Variants in CRTAC1 observed in about 807,000 individuals in gnomAD.
The protein encoded by CRTAC1 is cartilage acidic protein 1, also known as acidic secreted protein in cartilage.
A neutral mutation model predicts 67.8 loss-of-function variants in CRTAC1; 37 were observed. The ratio of observed to expected loss-of-function variants is 0.55; its 90% CI spans 0.42 to 0.72. The LOEUF is 0.72. Among genes scored for constraint, CRTAC1 ranks in the 30% least tolerant of loss-of-function variants. The pLI, the probability that CRTAC1 is intolerant of heterozygous loss-of-function variation, is 0.00. For missense variants in CRTAC1, 780 were observed against 931.6 expected (o/e 0.84, Z 2.12); for synonymous variants, 348 against 371.0 (o/e 0.94, Z 0.71).
chr10:97,914,264 T>C (rs1395174336), intron 5 of CRTAC1, among the ~76,000 whole-genome samples: 2 of 152,036 alleles, frequency 1.3e-5, no homozygotes, highest in Non-Finnish European at 2.9e-5. Context: ...GGGCTGGGCC[T>C]GCTTCTCTTG....
chr10:97,959,699 C>T (rs1291978083), intron 2 of CRTAC1, among the ~76,000 whole-genome samples: 5 of 152,338 alleles, frequency 3.3e-5, no homozygotes, highest in African/African-American at 4.8e-5. Flanking sequence ...ATAGGTAAGG[C>T]GGATATGTTG....
chr10:97,995,092 G>A (rs1435238485), intron 2 of CRTAC1, among the ~76,000 whole-genome samples: 3 of 152,230 alleles, frequency 2.0e-5, no homozygotes, highest in African/African-American at 7.2e-5. Context: ...TGCTGAGGGG[G>A]AAGGAATCTT....
At chr10:97,962,579 T>G (rs2051543456) in intron 2 of CRTAC1, among the ~76,000 whole-genome samples, 2 of 152,196 alleles carry the variant, frequency 1.3e-5, no homozygotes, top group African/African-American at 4.8e-5. Flanking sequence ...AACATTCCAA[T>G]TTTCCACTGG....
intron 3 of CRTAC1, among the ~76,000 whole-genome samples, chr10:97,929,146 G>T (rs1015036129): frequency 6.6e-6 from 1 of 151,998 alleles, no homozygotes; most frequent in African/African-American, 2.4e-5. Context: ...GCTTACTGGG[G>T]GTGAGCAAGA....
intron 2 of CRTAC1, among the ~76,000 whole-genome samples, chr10:97,942,747 T>A (rs920512457): frequency 6.6e-6 from 1 of 151,552 alleles, no homozygotes; most frequent in African/African-American, 2.4e-5. Context: ...TTGTTTTCAT[T>A]AAAATTTTTT....
chr10:97,941,523 T>C (rs1413306533), intron 2 of CRTAC1, among the ~76,000 whole-genome samples: 2 of 152,058 alleles, frequency 1.3e-5, no homozygotes, highest in Admixed American at 6.5e-5. Flanking sequence ...CCACCTCCAA[T>C]AGAACATGTT....
At chr10:98,026,907 C>T (rs905574149) in intron 1 of CRTAC1, among the ~76,000 whole-genome samples, 18 of 152,238 alleles carry the variant, frequency 1.2e-4, no homozygotes, top group African/African-American at 3.9e-4. Context: ...GGGCCGGGCG[C>T]GGTGGCTCAC....
intron 5 of CRTAC1, among the ~76,000 whole-genome samples, chr10:97,911,624 C>T (rs1174608086): frequency 6.6e-6 from 1 of 152,196 alleles, no homozygotes; most frequent in Non-Finnish European, 1.5e-5. Flanking sequence ...CTGCACCCCT[C>T]ACTGATGCCA....
intron 1 of CRTAC1, among the ~76,000 whole-genome samples, chr10:98,021,857 T>G (rs527510536): frequency 1.8e-4 from 28 of 152,228 alleles, no homozygotes; most frequent in Non-Finnish European, 2.9e-4. Context: ...GGGACCCTGA[T>G]GGAGTTCTTT....
At chr10:97,993,038 A>G (rs1169847496) in intron 2 of CRTAC1, among the ~76,000 whole-genome samples, 1 of 152,234 alleles carries the variant, frequency 6.6e-6, no homozygotes, top group Non-Finnish European at 1.5e-5. Context: ...TACAATAAAT[A>G]TATACAACTT....
At chr10:97,958,043 C>CA (rs2051468867) in intron 2 of CRTAC1, among the ~76,000 whole-genome samples, 1 of 152,138 alleles carries the variant, frequency 6.6e-6, no homozygotes, top group East Asian at 1.9e-4. Context: ...CAGGATACCC[C>CA]ACATCTCGTT....
rs563803688 is a variant in CRTAC1 at position 98,003,166 on chromosome 10, C to T, written c.224+7972G>A. Among the ~76,000 whole-genome samples the T allele has an allele frequency of 1.3e-4, 20 of 152,116 alleles. No individual in the cohort carries two copies. The East Asian group carries it at 1.5e-3, about 12-fold the overall frequency. On this transcript the variant is annotated intron_variant, in intron 2 of 14. Transcript: ENST00000370597. Reference sequence around the variant, plus strand: ...TGGTAGCATATTTCGTTTATTGTTGCGAAATTACACAATAATACAGTTAAA... The same window carrying T: ...TGGTAGCATATTTCGTTTATTGTTGTGAAATTACACAATAATACAGTTAAA...
At chr10:98,000,489 GC>G (rs1842667978) in intron 2 of CRTAC1, among the ~76,000 whole-genome samples, 1 of 152,236 alleles carries the variant, frequency 6.6e-6, no homozygotes, top group Admixed American at 6.5e-5. Context: ...ATGTCTGACT[GC>G]ACAGTGGCTG....
At chr10:97,987,016 G>GT (rs2051993285) in intron 2 of CRTAC1, among the ~76,000 whole-genome samples, 1 of 152,200 alleles carries the variant, frequency 6.6e-6, no homozygotes, top group Non-Finnish European at 1.5e-5. Flanking sequence ...AGAGGGCTGG[G>GT]TCACTTCCAG....
At chr10:97,870,262 C>T (rs1399296918) in intron 14 of CRTAC1, 1 of 152,130 alleles carries the variant, frequency 6.6e-6, no homozygotes, top group Non-Finnish European at 1.5e-5. Flanking sequence ...TTGACAGTAC[C>T]TATAGCCTAT....
chr10:97,937,257 G>T (rs1340560220), intron 2 of CRTAC1, among the ~76,000 whole-genome samples: 4 of 152,116 alleles, frequency 2.6e-5, no homozygotes, highest in African/African-American at 9.7e-5. Flanking sequence ...CCAGGATGCT[G>T]TTCCTCCAGA....
At chr10:97,996,435 A>G (rs1842571557) in intron 2 of CRTAC1, among the ~76,000 whole-genome samples, 1 of 152,210 alleles carries the variant, frequency 6.6e-6, no homozygotes, top group East Asian at 1.9e-4. Context: ...ACGTGAACAG[A>G]CACTTCTCAA....
intron 2 of CRTAC1, among the ~76,000 whole-genome samples, chr10:97,959,206 G>A (rs2051486166): frequency 6.6e-6 from 1 of 152,092 alleles, no homozygotes; most frequent in Non-Finnish European, 1.5e-5. Flanking sequence ...TCATTGGGAG[G>A]ACACACAAAT....
At chr10:97,909,941 A>T (rs1001771154) in intron 5 of CRTAC1, among the ~76,000 whole-genome samples, 1 of 152,202 alleles carries the variant, frequency 6.6e-6, no homozygotes, top group Non-Finnish European at 1.5e-5. Context: ...TGCTAAGTGA[A>T]ATAAGCCAGG....
Sources: allele counts gnomAD v4.1 joint callset (sites outside exome capture counted in the v4.1 genomes callset), GRCh38; gene constraint gnomAD v4.1.1; transcripts MANE v1.5; gene names NCBI Gene and HGNC (gene_info 2026-07-23, HGNC 2026-07-21).